NRG1: variants seen among roughly 807,000 people sequenced by gnomAD.
NRG1 encodes the protein neuregulin 1, also known as pro-neuregulin-1, membrane-bound isoform.
A neutral mutation model predicts 63.8 loss-of-function variants in NRG1; 18 were observed. The observed-to-expected ratio is 0.28, with a 90% CI of 0.19 to 0.42. The LOEUF (loss-of-function observed/expected upper bound fraction) is 0.42. NRG1 is among the 10% of genes least tolerant of loss of function. The probability of loss-of-function intolerance (pLI) is 1.00; values close to 1 mark genes in which losing one functional copy is unlikely to be tolerated. For synonymous variants in NRG1, 302 were observed against 301.3 expected, an observed-to-expected ratio of 1.00 and a Z score of -0.02; for missense variants, 762 against 814.7, an observed-to-expected ratio of 0.94 and a Z score of 0.79.
intron 5 of NRG1, among the ~76,000 whole-genome samples, chr8:32,716,985 C>T (rs935955780): frequency 6.6e-6 from 1 of 152,134 alleles, no homozygotes; most frequent in Non-Finnish European, 1.5e-5. Context: ...AGTAGAAAAA[C>T]AGGTGCTTGT....
At chr8:32,491,868 T>C (rs1485818389) in intron 1 of NRG1, among the ~76,000 whole-genome samples, 1 of 152,200 alleles carries the variant, frequency 6.6e-6, no homozygotes, top group Non-Finnish European at 1.5e-5. Context: ...TGTGATTACC[T>C]GGGAATTAGA....
At chr8:32,059,360 C>T (rs557414716) in intron 1 of NRG1, among the ~76,000 whole-genome samples, 1 of 151,952 alleles carries the variant, frequency 6.6e-6, no homozygotes, top group African/African-American at 2.4e-5. Flanking sequence ...CATCGTGCTG[C>T]ATCGCTAATG....
chr8:31,745,454 T>C (rs1366803153), intron 1 of NRG1, among the ~76,000 whole-genome samples: 1 of 151,976 alleles, frequency 6.6e-6, no homozygotes. Context: ...AACTGTTAAA[T>C]TGGACAAGTT....
intron 1 of NRG1, among the ~76,000 whole-genome samples, chr8:31,901,291 T>G (rs1027824980): frequency 6.6e-6 from 1 of 152,206 alleles, no homozygotes; most frequent in African/African-American, 2.4e-5. Flanking sequence ...CTCTTCTACA[T>G]GTAACATGTA....
chr8:32,029,054 C>T lies in NRG1; in HGVS notation c.37+389623C>T, dbSNP rs184357648. On this transcript the variant is annotated intron_variant, in intron 1 of 10. Coordinates refer to the NRG1 transcript ENST00000519301. ...AACAAGGTTTTTGTTAAAACCTTCCCCTTCATTAACACACTTTAGGAAAGT... is the reference window on the plus strand; with the variant it reads ...AACAAGGTTTTTGTTAAAACCTTCCTCTTCATTAACACACTTTAGGAAAGT... Among the ~76,000 whole-genome samples, 719 of 152,186 alleles carry T rather than the reference C, an allele frequency of 4.7e-3. 2 individuals are homozygous for T. Among genetic ancestry groups the T allele is most frequent in the Non-Finnish European group, 7.2e-3 (492 of 67,996 alleles).
chr8:32,240,972 T>C (rs764084168), intron 1 of NRG1, among the ~76,000 whole-genome samples: 12 of 151,992 alleles, frequency 7.9e-5, no homozygotes, highest in African/African-American at 1.4e-4. Flanking sequence ...GGAGAGTACA[T>C]ACCCTTTTTA....
At chr8:32,420,545 T>C (rs561296765) in intron 1 of NRG1, among the ~76,000 whole-genome samples, 2 of 152,106 alleles carry the variant, frequency 1.3e-5, no homozygotes, top group South Asian at 4.2e-4. Context: ...CTCTCTCTTT[T>C]TTTTTTTTCC....
chr8:32,218,058 T>A (rs1240180710), intron 1 of NRG1, among the ~76,000 whole-genome samples: 1 of 152,350 alleles, frequency 6.6e-6, no homozygotes, highest in Non-Finnish European at 1.5e-5. Context: ...TGGATAGTTA[T>A]CTTAAACGGT....
chr8:31,735,273 T>A (rs1814546962), intron 1 of NRG1, among the ~76,000 whole-genome samples: 1 of 152,160 alleles, frequency 6.6e-6, no homozygotes, highest in Non-Finnish European at 1.5e-5. Context: ...ATTGTATGTT[T>A]GCAGATTTGG....
At chr8:32,690,604 G>A (rs1247031007) in intron 5 of NRG1, among the ~76,000 whole-genome samples, 1 of 152,100 alleles carries the variant, frequency 6.6e-6, no homozygotes, top group African/African-American at 2.4e-5. Flanking sequence ...CTCTGAGCCA[G>A]TGATAGTTTA....
At chr8:32,741,548 T>TA (rs1190371498) in intron 6 of NRG1, among the ~76,000 whole-genome samples, 1 of 152,088 alleles carries the variant, frequency 6.6e-6, no homozygotes, top group East Asian at 1.9e-4. Context: ...ACTTGTAACA[T>TA]AAAACACCCA....
chr8:32,424,802 G>A (rs1253075431), intron 1 of NRG1, among the ~76,000 whole-genome samples: 8 of 152,086 alleles, frequency 5.3e-5, no homozygotes, highest in Non-Finnish European at 1.0e-4. Flanking sequence ...TCAAGGCTGC[G>A]GTGAGCTATG....
chr8:32,264,607 A>G (rs1329946390), intron 1 of NRG1, among the ~76,000 whole-genome samples: 1 of 152,352 alleles, frequency 6.6e-6, no homozygotes, highest in East Asian at 1.9e-4. Flanking sequence ...GCAAAGGTCT[A>G]CAATTTGCAA....
At chr8:32,277,582 A>G (rs1010539203) in intron 1 of NRG1, among the ~76,000 whole-genome samples, 1 of 152,164 alleles carries the variant, frequency 6.6e-6, no homozygotes, top group African/African-American at 2.4e-5. Context: ...TTCTTGATAA[A>G]CCTTCCTAAA....
intron 1 of NRG1, among the ~76,000 whole-genome samples, chr8:32,585,456 G>T (rs185245638): frequency 6.6e-6 from 1 of 152,128 alleles, no homozygotes; most frequent in Non-Finnish European, 1.5e-5. Context: ...TGGCCGCGGC[G>T]CAGTGATTTG....
At chr8:32,282,344 T>A (rs749851685) in intron 1 of NRG1, among the ~76,000 whole-genome samples, 3 of 152,184 alleles carry the variant, frequency 2.0e-5, no homozygotes, top group Non-Finnish European at 2.9e-5. Context: ...ATCATTTCCC[T>A]CTCAAATCCA....
At chr8:31,789,088 C>T (rs1353839891) in intron 1 of NRG1, among the ~76,000 whole-genome samples, 3 of 152,176 alleles carry the variant, frequency 2.0e-5, no homozygotes, top group African/African-American at 7.2e-5. Context: ...CTAATACTCG[C>T]ATTTCCACCT....
intron 1 of NRG1, among the ~76,000 whole-genome samples, chr8:32,499,413 T>TA (rs1190342939): frequency 6.6e-6 from 1 of 152,160 alleles, no homozygotes; most frequent in Admixed American, 6.5e-5. Flanking sequence ...CTGGGTGCGG[T>TA]AGCTGACATC....
At chr8:32,436,085 A>C (rs942318072) in intron 1 of NRG1, among the ~76,000 whole-genome samples, 1 of 152,206 alleles carries the variant, frequency 6.6e-6, no homozygotes, top group Non-Finnish European at 1.5e-5. Flanking sequence ...TTATAAAGAA[A>C]AAGAGGTTTA....
Sources: gnomAD v4.1 joint callset for allele counts (sites outside exome capture counted in the v4.1 genomes callset) on GRCh38, gnomAD v4.1.1 for gene constraint, MANE v1.5 for transcripts, NCBI Gene and HGNC (gene_info 2026-07-23, HGNC 2026-07-21) for gene names.